The following CEP350 variants were observed in gnomAD, a reference collection of about 807,000 sequenced individuals.
The protein encoded by CEP350 is centrosomal protein 350.
In CEP350, 126 loss-of-function variants were observed where a neutral mutation model predicts 331.8. The observed-to-expected ratio is 0.38, with a 90% CI of 0.33 to 0.44. The LOEUF (loss-of-function observed/expected upper bound fraction) is 0.44. Among genes scored for constraint, CEP350 ranks in the 20% least tolerant of loss-of-function variants. The probability of loss-of-function intolerance (pLI) is 1.00; values close to 1 mark genes in which losing one functional copy is unlikely to be tolerated. For missense variants in CEP350, 3,406 were observed against 3,634.6 expected, an observed-to-expected ratio of 0.94 and a Z score of 1.62; for synonymous variants, 1,200 against 1,259.5, an observed-to-expected ratio of 0.95 and a Z score of 1.00.
At chr1:180,102,961 A>T (rs1332012690) in intron 37 of CEP350, among the ~76,000 whole-genome samples, 1 of 152,228 alleles carries the variant, frequency 6.6e-6, no homozygotes, top group African/African-American at 2.4e-5. Flanking sequence ...TAAGGAGTGG[A>T]AAGTTTAATA....
Position 180,111,020 on chromosome 1 carries a change from G to A in CEP350, c.9213G>A (p.Glu3071=), listed in dbSNP as rs758480127. ...AGGTTCAGGAGCTCCATGAGGAGGA[G>A]GCACAGTGGGTGAACTATGATGAGG... ...HILVQELHEE[E]AQWVNYDEDE... is the part of the protein sequence containing the mutation. The change falls in exon 38 of 38, where the codon GAG becomes GAA. Residue 3071 remains glutamate, a synonymous_variant. Transcript: ENST00000367607. 1 of 1,613,956 alleles carries A rather than the reference G, an allele frequency of 6.2e-7. No individual in the cohort carries two copies.
chr1:180,090,651 G>C, intron 32 of CEP350, 63 bp from the exon 33 acceptor site: 1 of 1,427,446 alleles, frequency 7.0e-7, no homozygotes, highest in African/African-American at 1.4e-5. Flanking sequence ...AAGAATGTCT[G>C]CTTTTTGTTA....
chr1:179,991,382 TCTCTACTCACTGCAAC>T (rs1390162573), intron 4 of CEP350, among the ~76,000 whole-genome samples: 1 of 147,432 alleles, frequency 6.8e-6, no homozygotes, highest in Non-Finnish European at 1.5e-5. Flanking sequence ...AGTGGCATGA[TCTCTACTCACTGCAAC>T]CTCTACGTCC....
At chr1:179,973,334 A>G (rs1219828636) in intron 1 of CEP350, among the ~76,000 whole-genome samples, 3 of 152,206 alleles carry the variant, frequency 2.0e-5, no homozygotes, top group Non-Finnish European at 2.9e-5. Flanking sequence ...CTAGTAGTCA[A>G]TCTTTGCTTT....
At position 180,048,638 on chromosome 1, in the gene CEP350, A is replaced by G. The variant is rs1306580532; in HGVS notation, c.4725A>G (p.Glu1575=). The change falls in exon 22 of 38, where the codon GAA becomes GAG. Residue 1575 remains glutamate (E), a synonymous_variant. Coordinates refer to ENST00000367607, the MANE Select transcript of CEP350 (RefSeq NM_014810.5). Reference sequence around the variant, plus strand: ...AAAAGATAGAGAGTTCCATTGATGAACAGGTTCAGACTGCTGCAGATGATT... The same window carrying G: ...AAAAGATAGAGAGTTCCATTGATGAGCAGGTTCAGACTGCTGCAGATGATT... ...NGEKIESSID[E]QVQTAADDSL... 1.2e-6 allele frequency: 2 copies of G among 1,611,632 alleles called. No individual in the cohort carries two copies.
Position 179,981,930 on chromosome 1 carries a change from G to A in CEP350, c.-13-4239G>A, listed in dbSNP as rs554017582. 7.4e-4 allele frequency among the ~76,000 whole-genome samples: 113 copies of A among 152,258 alleles called. 1 individual carries two copies. The highest frequency in any genetic ancestry group is 2.7e-3 in the African/African-American group (111 of 41,568). ...TGGGAGGAACACCTGAGCCCAGGAG[G>A]TTGAGGCTGCAGTGAGCCTTGATTG... On this transcript the variant is annotated intron_variant, in intron 1 of 37. Coordinates refer to ENST00000367607, the MANE Select transcript of CEP350 (RefSeq NM_014810.5).
Position 180,011,911 on chromosome 1 carries a change from T to C in CEP350, c.1247-18T>C, listed in dbSNP as rs937449279. ...ATTAAAATTTAAGTTTTAATTTCAG[T>C]GCCATGTATTTTTTTAGGTAGTAGT... On this transcript the variant is annotated intron_variant, in intron 8 of 37. Coordinates refer to ENST00000367607, the MANE Select transcript of CEP350 (RefSeq NM_014810.5). 1.9e-6 allele frequency: 3 copies of C among 1,553,626 alleles called. No individual in the cohort carries two copies. The highest frequency in any genetic ancestry group is 2.6e-6 in the Non-Finnish European group (3 of 1,146,230).
Position 180,003,284 on chromosome 1 carries a change from G to A in CEP350, c.1129G>A (p.Ala377Thr), listed in dbSNP as rs113319263. Residue 377 changes from alanine to threonine, a missense_variant, in exon 7 of 38, where the codon GCA (alanine) becomes ACA (threonine). Around this residue, in one of 5 missense-constraint regions of CEP350, gnomAD observed 1,857 missense variants for 1,909.2 expected, o/e 0.97. Coordinates refer to ENST00000367607, the MANE Select transcript of CEP350 (RefSeq NM_014810.5). ...ELYRDLALHF[A>T]DDISIKEKPA... ...GTATCGAGATTTAGCACTTCACTTT[G>A]CAGGTGAGAATAGAGCTTTCTTATG... is the stretch of plus-strand genomic sequence containing the variant. 1.3e-6 allele frequency: 2 copies of A among 1,592,928 alleles called. No homozygotes were observed. Among genetic ancestry groups the A allele is most frequent in the Non-Finnish European group, 1.7e-6 (2 of 1,164,180 alleles).
chr1:180,056,356 G>A (rs1201506632), intron 25 of CEP350, among the ~76,000 whole-genome samples: 5 of 151,772 alleles, frequency 3.3e-5, no homozygotes, highest in East Asian at 1.9e-4. Flanking sequence ...GCATGTAGGC[G>A]TGGTTTCCTT....
intron 14 of CEP350, among the ~76,000 whole-genome samples, chr1:180,029,324 T>G (rs1027445624): frequency 6.6e-6 from 1 of 152,226 alleles, no homozygotes; most frequent in African/African-American, 2.4e-5. Flanking sequence ...TTTTAAGTTG[T>G]GTATTTATTG....
At chr1:179,976,739 C>G (rs1387143848) in intron 1 of CEP350, among the ~76,000 whole-genome samples, 1 of 151,752 alleles carries the variant, frequency 6.6e-6, no homozygotes, top group Non-Finnish European at 1.5e-5. Flanking sequence ...TCATTAATAG[C>G]TTTTTTCTCT....
chr1:180,091,408 A>G (rs916674816), intron 33 of CEP350, among the ~76,000 whole-genome samples: 5 of 152,142 alleles, frequency 3.3e-5, no homozygotes, highest in African/African-American at 4.8e-5. Flanking sequence ...AGCTGAGTAT[A>G]TCATCTGCAT....
intron 1 of CEP350, among the ~76,000 whole-genome samples, chr1:179,982,673 A>C (rs1652366234): frequency 6.6e-6 from 1 of 152,232 alleles, no homozygotes; most frequent in South Asian, 2.1e-4. Flanking sequence ...TTAAAGCAAA[A>C]AGATATCTGC....
chr1:180,065,996 C>T (rs893882837), intron 27 of CEP350, among the ~76,000 whole-genome samples: 1 of 151,990 alleles, frequency 6.6e-6, no homozygotes, highest in Admixed American at 6.6e-5. Context: ...AAATTTTAAC[C>T]TGGTGAGTAG....
chr1:180,033,921 C>G lies in CEP350; in HGVS notation c.3785C>G (p.Ser1262Cys), dbSNP rs765263373. Residue 1262 changes from serine to cysteine, a missense_variant, in exon 16 of 38, where the codon TCC (serine) becomes TGC (cysteine). By Grantham distance (112) the Ser-to-Cys change is moderately radical. Coordinates refer to ENST00000367607, the MANE Select transcript of CEP350 (RefSeq NM_014810.5). Reference protein sequence around the residue: ...KTPTSPLSPSSQKSLQFDVAG... With the variant: ...KTPTSPLSPSCQKSLQFDVAG... ...CCAACTTCTCCCCTGTCACCAAGTT[C>G]CCAGAAATCATTGCAGTTTGACGTT... 1 of 1,613,732 alleles carries G rather than the reference C, an allele frequency of 6.2e-7. No individual in the cohort carries two copies. The highest frequency in any genetic ancestry group is 1.3e-5 in the African/African-American group (1 of 74,884).
chr1:180,006,687 C>T (rs1328734760), intron 8 of CEP350, 120 bp downstream of exon 8: 3 of 620,050 alleles, frequency 4.8e-6, no homozygotes, highest in East Asian at 5.6e-5. Context: ...TATACGTGTG[C>T]CATGGTGGTT....
chr1:180,087,055 G>A (rs1659910273), intron 31 of CEP350: 1 of 152,114 alleles, frequency 6.6e-6, no homozygotes, highest in Non-Finnish European at 1.5e-5. Flanking sequence ...TTATAAATTA[G>A]TAAAGTTTTG....
At chr1:179,997,723 A>G (rs919824572) in intron 6 of CEP350, among the ~76,000 whole-genome samples, 2 of 152,158 alleles carry the variant, frequency 1.3e-5, no homozygotes, top group Non-Finnish European at 2.9e-5. Flanking sequence ...AGTTATACAA[A>G]TAATAATTGA....
In CEP350 at chr1:180,053,763, C is replaced by T. The variant is rs1317686409; in HGVS notation, c.5003C>T (p.Pro1668Leu). The T allele has an allele frequency of 2.5e-6, 4 of 1,580,826 alleles. No individual in the cohort carries two copies. Among genetic ancestry groups the T allele is most frequent in the Non-Finnish European group, 3.5e-6 (4 of 1,158,606 alleles). Residue 1668 changes from proline (P) to leucine (L), a missense_variant, in exon 24 of 38, where the codon CCA (proline) becomes CTA (leucine). Physicochemically the swap from Pro to Leu is moderately conservative, Grantham distance 98. Coordinates refer to ENST00000367607, the MANE Select transcript of CEP350 (RefSeq NM_014810.5). ...TLSTAKELNM[P>L]FSGGQDSFSK... ...CATCTACTTTAGGAACTGAACATGCCATTCTCAGGAGGACAAGATAGCTTT... is the reference window on the plus strand; with the variant it reads ...CATCTACTTTAGGAACTGAACATGCTATTCTCAGGAGGACAAGATAGCTTT...
Sources: gnomAD v4.1 joint callset for allele counts (sites outside exome capture counted in the v4.1 genomes callset) on GRCh38, gnomAD v4.1.1 for gene constraint, gnomAD v4.1.1 regional missense constraint, MANE v1.5 for transcripts, NCBI Gene and HGNC (gene_info 2026-07-23, HGNC 2026-07-21) for gene names.